Variants in FAM120A observed in about 807,000 individuals in gnomAD.
The protein encoded by FAM120A is constitutive coactivator of PPAR-gamma-like protein 1.
FAM120A carries 15 observed loss-of-function variants against 109.7 expected under a neutral mutation model. The observed-to-expected ratio is 0.14, with a 90% CI of 0.09 to 0.21. FAM120A has a LOEUF of 0.21. Among genes scored for constraint, FAM120A ranks in the 10% least tolerant of loss-of-function variants. FAM120A has a pLI of 1.00. For missense variants in FAM120A, 899 were observed against 1,439.3 expected, an observed-to-expected ratio of 0.62 and a Z score of 6.07; for synonymous variants, 493 against 572.8, an observed-to-expected ratio of 0.86 and a Z score of 1.99.
chr9:93,482,789 C>T (rs1009196783), intron 3 of FAM120A, among the ~76,000 whole-genome samples: 1 of 152,124 alleles, frequency 6.6e-6, no homozygotes, highest in African/African-American at 2.4e-5. Context: ...AGGAACTGAA[C>T]AGTCCTCTCT....
chr9:93,531,596 T>G (rs926878461), intron 9 of FAM120A, among the ~76,000 whole-genome samples: 2 of 152,230 alleles, frequency 1.3e-5, no homozygotes, highest in Admixed American at 1.3e-4. Context: ...CCCTAGTGGC[T>G]ATGCATGTCC....
At chr9:93,523,554 C>T (rs1860934627) in intron 7 of FAM120A, among the ~76,000 whole-genome samples, 1 of 152,162 alleles carries the variant, frequency 6.6e-6, no homozygotes, top group Non-Finnish European at 1.5e-5. Context: ...TGATCTATAT[C>T]ATTACGTTGT....
intron 5 of FAM120A, among the ~76,000 whole-genome samples, chr9:93,509,708 T>C (rs1483501132): frequency 6.6e-6 from 1 of 152,190 alleles, no homozygotes; most frequent in Non-Finnish European, 1.5e-5. Context: ...GTTTTGTTGT[T>C]GTTGTGATGA....
At chr9:93,511,705 G>A (rs1294032170) in intron 5 of FAM120A, among the ~76,000 whole-genome samples, 1 of 152,180 alleles carries the variant, frequency 6.6e-6, no homozygotes, top group Non-Finnish European at 1.5e-5. Context: ...AAGGTGGTAG[G>A]GATTATATTG....
At chr9:93,550,800 T>G in intron 12 of FAM120A, 109 bp downstream of exon 12, 1 of 728,278 alleles carries the variant, frequency 1.4e-6, no homozygotes, top group Non-Finnish European at 2.4e-6. Context: ...ACTAATTGCT[T>G]TAGTCCACTA....
chr9:93,557,116 T>C (rs371559849), intron 13 of FAM120A, among the ~76,000 whole-genome samples: 25 of 147,368 alleles, frequency 1.7e-4, no homozygotes, highest in Middle Eastern at 3.4e-3. Flanking sequence ...TTTATTTGTT[T>C]GTTTGTTTTG....
chr9:93,467,686 A>G (rs1858110089), intron 1 of FAM120A, among the ~76,000 whole-genome samples: 1 of 152,120 alleles, frequency 6.6e-6, no homozygotes, highest in Admixed American at 6.5e-5. Flanking sequence ...TGTTTGTTTA[A>G]TGCTCTGTCT....
chr9:93,473,728 C>T (rs1406394604), intron 2 of FAM120A, among the ~76,000 whole-genome samples: 1 of 152,188 alleles, frequency 6.6e-6, no homozygotes, highest in African/African-American at 2.4e-5. Context: ...AAATACAGTG[C>T]TTAGTAAGGG....
intron 1 of FAM120A, among the ~76,000 whole-genome samples, chr9:93,464,033 A>G (rs1320291665): frequency 6.6e-6 from 1 of 152,218 alleles, no homozygotes; most frequent in Non-Finnish European, 1.5e-5. Flanking sequence ...AGGAAATGGA[A>G]GTACAGAAAG....
At chr9:93,539,637 C>T (rs1861629599) in intron 10 of FAM120A, among the ~76,000 whole-genome samples, 1 of 152,224 alleles carries the variant, frequency 6.6e-6, no homozygotes, top group African/African-American at 2.4e-5. Context: ...CATGGGCAAG[C>T]CCACATACCC....
chr9:93,463,648 T>G (rs1857890729), intron 1 of FAM120A, among the ~76,000 whole-genome samples: 1 of 152,208 alleles, frequency 6.6e-6, no homozygotes, highest in Non-Finnish European at 1.5e-5. Context: ...TTGGTAGTTG[T>G]TTTTTAAAAC....
rs188868484 is a variant in FAM120A, at chr9:93,459,844, A to G, written c.474+7455A>G. ...CACAGAACAGCCCCCATAGCAAAGA[A>G]TAATGTGGCCTAAAATACCAGTAGT... On this transcript the variant is annotated intron_variant, in intron 1 of 17. Coordinates refer to ENST00000277165, the MANE Select transcript of FAM120A (RefSeq NM_014612.5). Among the ~76,000 whole-genome samples the G allele has an allele frequency of 4.0e-4, 61 of 152,358 alleles. No individual in the cohort carries two copies. In the East Asian group the frequency reaches 0.011, roughly 28 times the overall value.
chr9:93,454,560 AGAG>A (rs1446757538), intron 1 of FAM120A, among the ~76,000 whole-genome samples: 6 of 152,252 alleles, frequency 3.9e-5, no homozygotes, highest in African/African-American at 1.2e-4. Flanking sequence ...AAGAGGATGA[AGAG>A]GAGAGTCTGC....
chr9:93,552,281 C>T (rs1460122341), intron 12 of FAM120A, among the ~76,000 whole-genome samples: 1 of 152,212 alleles, frequency 6.6e-6, no homozygotes, highest in Non-Finnish European at 1.5e-5. Flanking sequence ...AACAATCACA[C>T]TCTAAGCTTT....
chr9:93,462,955 T>C (rs979706070), intron 1 of FAM120A, among the ~76,000 whole-genome samples: 1 of 152,230 alleles, frequency 6.6e-6, no homozygotes, highest in African/African-American at 2.4e-5. Context: ...TTGGGTTTCA[T>C]CCTTTTTGTC....
At chr9:93,561,930 A>C (rs1177458658) in intron 16 of FAM120A, among the ~76,000 whole-genome samples, 2 of 152,214 alleles carry the variant, frequency 1.3e-5, no homozygotes, top group Non-Finnish European at 2.9e-5. Context: ...CAAAAAAATA[A>C]GATTGATTCC....
At position 93,452,052 on chromosome 9, in the gene FAM120A, T is replaced by C; in HGVS notation, c.137T>C (p.Leu46Pro). The change falls in exon 1 of 18, where the codon CTG becomes CCG. Residue 46 changes from leucine to proline, a missense_variant. Physicochemically the swap from Leu to Pro is moderately conservative, Grantham distance 98 (BLOSUM62 -3). Around this residue, in one of 11 missense-constraint regions of FAM120A, gnomAD observed 258 missense variants for 451.4 expected, o/e 0.57. Transcript: ENST00000277165. This position sits in a 1 kb window ranked among gnomAD's most constrained non-coding sequence, Gnocchi z 7.0. ...CGGCCCCCGCAGACCCCGCTGCGCCTGCTGGTGGACGCCGACAACTGCCTG... is the reference window on the plus strand; with the variant it reads ...CGGCCCCCGCAGACCCCGCTGCGCCCGCTGGTGGACGCCGACAACTGCCTG... ...RQRPPQTPLR[L>P]LVDADNCLHR... 6.3e-7 allele frequency: 1 copy of C among 1,585,664 alleles called. No individual in the cohort carries two copies. The highest frequency in any genetic ancestry group is 1.3e-5 in the African/African-American group (1 of 74,588).
intron 7 of FAM120A, chr9:93,523,149 A>G: frequency 2.9e-6 from 1 of 347,284 alleles, no homozygotes; most frequent in Non-Finnish European, 5.5e-6. Flanking sequence ...CAGAACACTG[A>G]TGTGGTTTTT....
chr9:93,469,795 A>G (rs1192090172), intron 1 of FAM120A, among the ~76,000 whole-genome samples: 3 of 152,060 alleles, frequency 2.0e-5, no homozygotes, highest in Non-Finnish European at 4.4e-5. Flanking sequence ...TCAGAAAGTA[A>G]TTTCTTCTTT....
Sources: gnomAD v4.1 joint callset for allele counts (sites outside exome capture counted in the v4.1 genomes callset) on GRCh38, gnomAD v4.1.1 for gene constraint, gnomAD v4.1.1 regional missense constraint, Gnocchi (gnomAD v3.1) non-coding constraint, MANE v1.5 for transcripts, NCBI Gene and HGNC (gene_info 2026-07-23, HGNC 2026-07-21) for gene names.